The following PPP1CB variants were observed in gnomAD, a reference collection of about 807,000 sequenced individuals.
PPP1CB encodes the protein protein phosphatase 1 catalytic subunit beta.
In PPP1CB, 2 loss-of-function variants were observed where a neutral mutation model predicts 43.7. The observed-to-expected ratio is 0.05, with a 90% CI of 0.02 to 0.14. The LOEUF (loss-of-function observed/expected upper bound fraction) is 0.14. PPP1CB is among the 10% of genes least tolerant of loss of function. The probability of loss-of-function intolerance (pLI) is 1.00; values close to 1 mark genes in which losing one functional copy is unlikely to be tolerated. For missense variants in PPP1CB, 84 were observed against 398.0 expected (o/e 0.21, Z 6.71); for synonymous variants, 136 against 135.6 (o/e 1.00, Z -0.02).
chr2:28,789,942 T>C (rs1667351809), intron 6 of PPP1CB, among the ~76,000 whole-genome samples: 1 of 152,118 alleles, frequency 6.6e-6, no homozygotes, highest in Non-Finnish European at 1.5e-5. Flanking sequence ...GCGATTTTGA[T>C]AAGAGCAAAC....
rs990765909 is a variant in PPP1CB, at chr2:28,801,908, C to T, written c.*2605C>T. 2 of 152,102 alleles carry T rather than the reference C, an allele frequency of 1.3e-5. No homozygotes were observed. The highest frequency in any genetic ancestry group is 4.8e-5 in the African/African-American group (2 of 41,422). 9.4% of individuals were successfully genotyped at this position (152,102 alleles called of 1,614,324 possible). A position where few individuals can be genotyped will look rare whatever the true frequency, so the allele number is the denominator to read the frequency against. On this transcript the variant is annotated 3_prime_UTR_variant, in exon 8 of 8. Coordinates refer to ENST00000395366, the MANE Select transcript of PPP1CB (RefSeq NM_002709.3). ...CTTAACATGCATTGCTTTAATTTTG[C>T]CCAGGGACAAATTTTAATAATCAGC...
At chr2:28,773,090 G>A (rs1666948371) in intron 1 of PPP1CB, among the ~76,000 whole-genome samples, 1 of 152,144 alleles carries the variant, frequency 6.6e-6, no homozygotes, top group African/African-American at 2.4e-5. Flanking sequence ...AGGGTTGCAG[G>A]AAGCATTCTG....
intron 1 of PPP1CB, among the ~76,000 whole-genome samples, chr2:28,758,907 CA>C (rs1367238010): frequency 6.6e-6 from 1 of 152,182 alleles, no homozygotes; most frequent in Non-Finnish European, 1.5e-5. Flanking sequence ...GAGGTTTTAA[CA>C]TAGCATATTT....
chr2:28,766,689 A>G (rs1395743306), intron 1 of PPP1CB, among the ~76,000 whole-genome samples: 2 of 152,216 alleles, frequency 1.3e-5, no homozygotes, highest in Non-Finnish European at 2.9e-5. Context: ...AACACCACTC[A>G]GAACCATTTG....
chr2:28,788,848 T>C (rs746280809), intron 6 of PPP1CB, 39 bp downstream of exon 6: 3 of 1,543,306 alleles, frequency 1.9e-6, no homozygotes. Flanking sequence ...TCTTTTTTCT[T>C]TCTTTTTTTT....
chr2:28,787,938 C>T (rs187259718), intron 5 of PPP1CB, among the ~76,000 whole-genome samples: 49 of 152,166 alleles, frequency 3.2e-4, no homozygotes, highest in Non-Finnish European at 1.3e-4. Flanking sequence ...TTCCAGGGCT[C>T]CAAACATTAC....
intron 1 of PPP1CB, among the ~76,000 whole-genome samples, chr2:28,755,860 A>G (rs990568642): frequency 4.6e-5 from 7 of 152,198 alleles, no homozygotes; most frequent in Non-Finnish European, 5.9e-5. Flanking sequence ...GCCAGTTGAT[A>G]TAGTATGTCT....
chr2:28,761,845 C>A (rs1666660773), intron 1 of PPP1CB, among the ~76,000 whole-genome samples: 1 of 152,158 alleles, frequency 6.6e-6, no homozygotes, highest in Non-Finnish European at 1.5e-5. Flanking sequence ...TGGCCAGGAA[C>A]TATAGGGCAG....
At chr2:28,771,975 C>CAA (rs145379596) in intron 1 of PPP1CB, among the ~76,000 whole-genome samples, 170 of 134,878 alleles carry the variant, frequency 1.3e-3, no homozygotes, top group East Asian at 5.4e-3. Flanking sequence ...CGAACTTGTC[C>CAA]AAAAAAAAAA....
chr2:28,757,820 G>C (rs530086160), intron 1 of PPP1CB, among the ~76,000 whole-genome samples: 1 of 152,076 alleles, frequency 6.6e-6, no homozygotes, highest in African/African-American at 2.4e-5. Flanking sequence ...TTTGCTATCT[G>C]AATGCAGACC....
intron 1 of PPP1CB, among the ~76,000 whole-genome samples, chr2:28,760,160 T>G (rs1424387061): frequency 1.3e-5 from 2 of 152,176 alleles, no homozygotes; most frequent in Non-Finnish European, 2.9e-5. Flanking sequence ...GTTTAAAAAG[T>G]GAAAAATATT....
chr2:28,796,506 G>C (rs1335855601), intron 7 of PPP1CB, among the ~76,000 whole-genome samples: 1 of 151,958 alleles, frequency 6.6e-6, no homozygotes, highest in Non-Finnish European at 1.5e-5. Flanking sequence ...TCACCTCCCT[G>C]GTTAGCTGTA....
At chr2:28,770,944 GAAAT>G (rs917641690) in intron 1 of PPP1CB, among the ~76,000 whole-genome samples, 1 of 150,762 alleles carries the variant, frequency 6.6e-6, no homozygotes, top group South Asian at 2.1e-4. Context: ...ATTGCTGAGA[GAAAT>G]AAATAAAAGG....
intron 1 of PPP1CB, among the ~76,000 whole-genome samples, chr2:28,755,486 A>C (rs1187027213): frequency 6.6e-6 from 1 of 152,236 alleles, no homozygotes; most frequent in Non-Finnish European, 1.5e-5. Context: ...AGAACTAAAA[A>C]CCAAAGACTT....
chr2:28,777,743 C>T (rs572893124), intron 2 of PPP1CB, among the ~76,000 whole-genome samples: 23 of 152,308 alleles, frequency 1.5e-4, no homozygotes, highest in African/African-American at 5.5e-4. Context: ...ACCTCCACCT[C>T]CCGGGCTCAA....
intron 6 of PPP1CB, among the ~76,000 whole-genome samples, chr2:28,793,080 C>T (rs560046155): frequency 1.3e-5 from 2 of 152,196 alleles, no homozygotes; most frequent in East Asian, 1.9e-4. Context: ...CTGGTGGGTG[C>T]GTGTAGTCCC....
intron 1 of PPP1CB, among the ~76,000 whole-genome samples, chr2:28,752,395 G>T (rs1666330775): frequency 6.6e-6 from 1 of 152,174 alleles, no homozygotes; most frequent in Admixed American, 6.5e-5. Context: ...GGGAGAGGGG[G>T]CCGTTCCCGC....
intron 1 of PPP1CB, among the ~76,000 whole-genome samples, chr2:28,775,877 A>G (rs1185052104): frequency 6.6e-6 from 1 of 152,180 alleles, no homozygotes; most frequent in East Asian, 1.9e-4. Flanking sequence ...AAACCATATT[A>G]TCTTATGGCT....
chr2:28,786,774 C>CAAAAA (rs70956040), intron 5 of PPP1CB, among the ~76,000 whole-genome samples: 23,871 of 94,284 alleles, frequency 0.25, 3,556 homozygotes, highest in East Asian at 0.64. Context: ...GACTCCGTCT[C>CAAAAA]AAAAAAAAAA....
Sources: allele counts gnomAD v4.1 joint callset (sites outside exome capture counted in the v4.1 genomes callset), GRCh38; gene constraint gnomAD v4.1.1; transcripts MANE v1.5; gene names NCBI Gene and HGNC (gene_info 2026-07-23, HGNC 2026-07-21).